The following HS3ST4 variants were observed in gnomAD, a reference collection of about 807,000 sequenced individuals.
HS3ST4 encodes the protein heparan sulfate glucosamine 3-O-sulfotransferase 4.
A neutral mutation model predicts 29.2 loss-of-function variants in HS3ST4; 17 were observed. That is an observed-to-expected ratio of 0.58 (90% CI 0.40 to 0.87). The LOEUF (loss-of-function observed/expected upper bound fraction) is 0.87, where lower values mean the gene tolerates loss of function less well. HS3ST4 is among the 40% of genes least tolerant of loss of function. HS3ST4 has a pLI of 0.00. For missense variants in HS3ST4, 627 were observed against 634.5 expected (o/e 0.99, Z 0.13); for synonymous variants, 314 against 285.7 (o/e 1.10, Z -1.00).
Position 25,821,207 on chromosome 16 carries a change from G to A in HS3ST4, c.734+128056G>A, listed in dbSNP as rs1011122221. ...CGAGTAGCTGGGACTACAGGCACCC[G>A]CCACCAAGCCTGGCTAATTTTTTGT... On this transcript the variant is annotated intron_variant, in intron 1 of 1. Coordinates refer to ENST00000331351, the MANE Select transcript of HS3ST4 (RefSeq NM_006040.3). 1.4e-4 allele frequency among the ~76,000 whole-genome samples: 21 copies of A among 151,672 alleles called. No homozygotes were observed. The East Asian group carries it at 2.2e-3, about 16-fold the overall frequency.
chr16:25,900,697 G>A (rs1968112669), intron 1 of HS3ST4, among the ~76,000 whole-genome samples: 1 of 152,010 alleles, frequency 6.6e-6, no homozygotes, highest in Non-Finnish European at 1.5e-5. Context: ...GAGGCTGCAG[G>A]GCAATGGTAA....
intron 1 of HS3ST4, among the ~76,000 whole-genome samples, chr16:25,819,485 C>T (rs1018351516): frequency 2.0e-5 from 3 of 152,128 alleles, no homozygotes; most frequent in Non-Finnish European, 4.4e-5. Context: ...CTTCCTAATT[C>T]GGTGGGATTG....
intron 1 of HS3ST4, among the ~76,000 whole-genome samples, chr16:26,124,321 G>T (rs1394687389): frequency 1.3e-5 from 2 of 151,980 alleles, no homozygotes; most frequent in Admixed American, 6.5e-5. Flanking sequence ...CAAACGAAGA[G>T]TTTTTTTCTG....
At position 25,863,028 on chromosome 16, in the gene HS3ST4, A is replaced by G. The variant is rs114515825; in HGVS notation, c.734+169877A>G. On this transcript the variant is annotated intron_variant, in intron 1 of 1. Transcript: ENST00000331351. Reference sequence around the variant, plus strand: ...CATTTCCCTCATTAGTAATGGGATTAGGCATTTCATTTGGCTATTTGGATT... The same window carrying G: ...CATTTCCCTCATTAGTAATGGGATTGGGCATTTCATTTGGCTATTTGGATT... Among the ~76,000 whole-genome samples the G allele has an allele frequency of 7.9e-3, 1,199 of 152,304 alleles. 11 individuals carry two copies. Among genetic ancestry groups the G allele is most frequent in the African/African-American group, 0.027 (1,132 of 41,566 alleles).
intron 1 of HS3ST4, among the ~76,000 whole-genome samples, chr16:25,999,894 A>ATATT (rs1555477414): frequency 6.7e-5 from 7 of 103,722 alleles, no homozygotes; most frequent in Middle Eastern, 4.7e-3. Context: ...ATATATATAT[A>ATATT]TTTTATATAT....
chr16:25,748,243 C>T (rs529084789), intron 1 of HS3ST4, among the ~76,000 whole-genome samples: 10 of 152,092 alleles, frequency 6.6e-5, no homozygotes, highest in Non-Finnish European at 1.3e-4. Context: ...GGTTGCATGC[C>T]GCTCCCCTCC....
At chr16:26,020,991 A>G (rs773858473) in intron 1 of HS3ST4, among the ~76,000 whole-genome samples, 2 of 152,360 alleles carry the variant, frequency 1.3e-5, no homozygotes, top group East Asian at 1.9e-4. Flanking sequence ...AGATGCATCC[A>G]TGCATATAAG....
chr16:25,832,347 C>G (rs1244478024), intron 1 of HS3ST4, among the ~76,000 whole-genome samples: 1 of 152,152 alleles, frequency 6.6e-6, no homozygotes, highest in Admixed American at 6.5e-5. Flanking sequence ...ACACAGAGAG[C>G]CCCTGGGCTG....
intron 1 of HS3ST4, among the ~76,000 whole-genome samples, chr16:25,945,064 C>T (rs1309708129): frequency 6.6e-6 from 1 of 152,198 alleles, no homozygotes. Context: ...CCACTGATCT[C>T]CTGTACTTAA....
chr16:25,819,420 A>G (rs927601356), intron 1 of HS3ST4, among the ~76,000 whole-genome samples: 1 of 152,168 alleles, frequency 6.6e-6, no homozygotes, highest in Non-Finnish European at 1.5e-5. Flanking sequence ...AGCTTTCCAT[A>G]GATGAAATGC....
chr16:25,731,823 C>G (rs1368116521), intron 1 of HS3ST4, among the ~76,000 whole-genome samples: 1 of 152,162 alleles, frequency 6.6e-6, no homozygotes, highest in Non-Finnish European at 1.5e-5. Context: ...GTGCAAGCTG[C>G]TAGGAAAATA....
At chr16:26,046,176 A>G (rs558999318) in intron 1 of HS3ST4, among the ~76,000 whole-genome samples, 3 of 135,340 alleles carry the variant, frequency 2.2e-5, no homozygotes, top group African/African-American at 5.8e-5. Context: ...TTTGAGACAG[A>G]GTATCGCTCT....
intron 1 of HS3ST4, among the ~76,000 whole-genome samples, chr16:25,964,616 T>G (rs1968825895): frequency 6.6e-6 from 1 of 152,160 alleles, no homozygotes; most frequent in South Asian, 2.1e-4. Context: ...TGGAGCTGGG[T>G]TTTGATCCCA....
At chr16:26,002,896 A>C (rs1448926263) in intron 1 of HS3ST4, among the ~76,000 whole-genome samples, 4 of 152,040 alleles carry the variant, frequency 2.6e-5, no homozygotes, top group Non-Finnish European at 5.9e-5. Context: ...TCCTCTCCAG[A>C]AGTTTCAAGA....
intron 1 of HS3ST4, among the ~76,000 whole-genome samples, chr16:25,718,444 C>T (rs1966472328): frequency 6.6e-6 from 1 of 151,786 alleles, no homozygotes; most frequent in South Asian, 2.1e-4. Flanking sequence ...CATTTCTTAC[C>T]TATGGAGAAA....
At chr16:26,029,507 G>T (rs1969512921) in intron 1 of HS3ST4, among the ~76,000 whole-genome samples, 1 of 152,108 alleles carries the variant, frequency 6.6e-6, no homozygotes, top group African/African-American at 2.4e-5. Context: ...CCGATTCCTG[G>T]GTTCAAGTGA....
intron 1 of HS3ST4, among the ~76,000 whole-genome samples, chr16:25,979,317 C>T (rs1968978644): frequency 6.6e-6 from 1 of 152,192 alleles, no homozygotes; most frequent in Non-Finnish European, 1.5e-5. Flanking sequence ...AGTACCATTC[C>T]ATGGCCTGTT....
chr16:26,092,651 G>A (rs549121521), intron 1 of HS3ST4, among the ~76,000 whole-genome samples: 9 of 152,248 alleles, frequency 5.9e-5, no homozygotes, highest in Non-Finnish European at 7.4e-5. Flanking sequence ...GAACAGCTCC[G>A]GTCTGCAGCT....
intron 1 of HS3ST4, among the ~76,000 whole-genome samples, chr16:25,699,461 T>C (rs1966320254): frequency 6.6e-6 from 1 of 152,170 alleles, no homozygotes; most frequent in South Asian, 2.1e-4. Context: ...TAATCAGGAG[T>C]GCTTGTATTT....
Sources: allele counts gnomAD v4.1 joint callset (sites outside exome capture counted in the v4.1 genomes callset), GRCh38; gene constraint gnomAD v4.1.1; transcripts MANE v1.5; gene names NCBI Gene and HGNC (gene_info 2026-07-23, HGNC 2026-07-21).